The following ASAH2 variants were observed in gnomAD, a reference collection of about 807,000 sequenced individuals.
ASAH2 encodes the protein N-acylsphingosine amidohydrolase 2.
A neutral mutation model predicts 82.9 loss-of-function variants in ASAH2; 58 were observed. That is an observed-to-expected ratio of 0.70 (90% CI 0.57 to 0.87). The LOEUF (loss-of-function observed/expected upper bound fraction) is 0.87, where lower values mean the gene tolerates loss of function less well. ASAH2 is among the 40% of genes least tolerant of loss of function. The probability of loss-of-function intolerance (pLI) is 0.00; values close to 1 mark genes in which losing one functional copy is unlikely to be tolerated. For synonymous variants in ASAH2, 276 were observed against 289.7 expected, an observed-to-expected ratio of 0.95 and a Z score of 0.48; for missense variants, 779 against 834.0, an observed-to-expected ratio of 0.93 and a Z score of 0.81.
At chr10:50,239,695 C>A (rs1337689306) in intron 4 of ASAH2, among the ~76,000 whole-genome samples, 2 of 152,048 alleles carry the variant, frequency 1.3e-5, no homozygotes, top group Non-Finnish European at 2.9e-5. Flanking sequence ...AATAATAATA[C>A]CTCCCTCATA....
chr10:50,199,213 A>G, intron 16 of ASAH2, 67 bp from the exon 17 acceptor site: 2 of 1,552,814 alleles, frequency 1.3e-6, no homozygotes, highest in Admixed American at 1.7e-5. Context: ...GAGGTGTAGC[A>G]TTTTGGGTAA....
intron 12 of ASAH2, among the ~76,000 whole-genome samples, chr10:50,207,539 A>C (rs1845332168): frequency 6.6e-6 from 1 of 151,642 alleles, no homozygotes; most frequent in African/African-American, 2.4e-5. Flanking sequence ...AACTATAAGT[A>C]GTTGTACGCT....
chr10:50,195,099 G>A (rs554294154), intron 18 of ASAH2, among the ~76,000 whole-genome samples: 2,447 of 150,042 alleles, frequency 0.016, 1 homozygote, highest in African/African-American at 0.055. Context: ...AACAAAGTGA[G>A]GAGACAACCT....
In ASAH2 at chr10:50,243,210, T is replaced by A; in HGVS notation, c.502A>T (p.Arg168Trp). 1 of 1,614,020 alleles carries A rather than the reference T, an allele frequency of 6.2e-7. No individual in the cohort carries two copies. Among genetic ancestry groups the A allele is most frequent in the Non-Finnish European group, 8.5e-7 (1 of 1,179,918 alleles). Residue 168 changes from arginine (R) to tryptophan (W), a missense_variant, in exon 4 of 21, where the codon AGG becomes TGG. By Grantham distance (101) the Arg-to-Trp change is moderately radical. This residue lies in a region of ASAH2 where 759 missense variants were observed against 755.2 expected (regional missense o/e 1.00). Transcript: ENST00000682911. ...CCTCTCAAATCACTTACCTCCAGCC[T>A]GAGCCTTTGTGATACCATGCCTATG... ...IDIGMVSQRL[R>W]LEVLNRLQSK...
At chr10:50,194,521 G>C (rs1185339444) in intron 18 of ASAH2, among the ~76,000 whole-genome samples, 1 of 151,108 alleles carries the variant, frequency 6.6e-6, no homozygotes, top group Non-Finnish European at 1.5e-5. Context: ...CATACTAAAT[G>C]GTGAAAAACT....
intron 4 of ASAH2, among the ~76,000 whole-genome samples, chr10:50,239,975 T>A (rs192463049): frequency 0.22 from 32,973 of 151,530 alleles, 4,333 homozygotes; most frequent in Non-Finnish European, 0.3. Flanking sequence ...GACTACAGGC[T>A]CCTTCCAGCA....
intron 8 of ASAH2, among the ~76,000 whole-genome samples, chr10:50,215,824 G>T (rs1410092790): frequency 6.6e-6 from 1 of 152,036 alleles, no homozygotes; most frequent in Non-Finnish European, 1.5e-5. Flanking sequence ...TATACCCAAA[G>T]GATTATAAAT....
rs2133214031 is a variant in ASAH2 at position 50,220,033 on chromosome 10, CA to C, written c.894-1404del. 2.0e-5 allele frequency among the ~76,000 whole-genome samples: 3 copies of C among 152,254 alleles called. 1 individual carries two copies. The South Asian group carries it at 6.2e-4, about 32-fold the overall frequency. The stretch of plus-strand genomic sequence containing the variant: ...CTTCAGGAAGTAAATGGCATGGAAA[CA>C]AAGGACGGGAACTGCTATACATTAA... On this transcript the variant is annotated intron_variant, in intron 7 of 20. Transcript: ENST00000682911.
rs1249565568 is a variant in ASAH2 at position 50,221,626 on chromosome 10, G to T, written c.894-2996C>A. 3.8e-3 allele frequency among the ~76,000 whole-genome samples: 336 copies of T among 88,034 alleles called. 5 individuals are homozygous for T. Among genetic ancestry groups the T allele is most frequent in the Non-Finnish European group, 5.2e-4 (21 of 40,370 alleles). The allele number at this position is 88,034 out of a possible 152,430, so 57.8% of individuals were successfully genotyped here. A position where few individuals can be genotyped will look rare whatever the true frequency, so the allele number is the denominator to read the frequency against. On this transcript the variant is annotated intron_variant, in intron 7 of 20. Coordinates refer to ENST00000682911, the MANE Select transcript of ASAH2 (RefSeq NM_019893.4). ...TCAAGAAGCAGAGCAATGAATTCAGGTTGTATGTGTGTGTGTGTGTGTGTG... is the reference window on the plus strand; with the variant it reads ...TCAAGAAGCAGAGCAATGAATTCAGTTTGTATGTGTGTGTGTGTGTGTGTG...
intron 5 of ASAH2, among the ~76,000 whole-genome samples, 167 bp downstream of exon 5, chr10:50,235,721 G>A (rs1215368310): frequency 6.6e-6 from 1 of 152,028 alleles, no homozygotes; most frequent in Non-Finnish European, 1.5e-5. Context: ...ACAGCCCATA[G>A]CTCAGAACAA....
intron 7 of ASAH2, among the ~76,000 whole-genome samples, chr10:50,230,679 A>G (rs1246002918): frequency 1.3e-5 from 2 of 152,134 alleles, no homozygotes; most frequent in African/African-American, 2.4e-5. Context: ...ATACAATTGC[A>G]TGTATGGAAG....
rs1426471721 is a variant in ASAH2, at chr10:50,185,872, A to T, written c.*1443T>A. 9.6e-4 allele frequency: 139 copies of T among 144,628 alleles called. 4 individuals carry two copies. The highest frequency in any genetic ancestry group is 3.5e-3 in the African/African-American group (132 of 37,662). The allele number at this position is 144,628 out of a possible 1,614,324, so 9.0% of individuals were successfully genotyped here. ...CTCAAAGTTTATTTTTAAAATACAG[A>T]TTGATTTTTTTCCCTAAAATGCTAA... On this transcript the variant is annotated 3_prime_UTR_variant, in exon 21 of 21. Coordinates refer to ENST00000682911, the MANE Select transcript of ASAH2 (RefSeq NM_019893.4).
chr10:50,235,978 A>G lies in ASAH2; in HGVS notation c.597T>C (p.Pro199=). The G allele has an allele frequency of 6.2e-7, 1 of 1,613,378 alleles. No homozygotes were observed. The change falls in exon 5 of 21, where the codon CCT becomes CCC. Residue 199 remains proline, a synonymous_variant. Coordinates refer to ENST00000682911, the MANE Select transcript of ASAH2 (RefSeq NM_019893.4). ...ILSGTHTHSG[P]AGYFQYTVFV... is the part of the protein sequence containing the mutation. Reference sequence around the variant, plus strand: ...ACACGGTATACTGGAAATATCCTGCAGGACCTGAATGAGTGTGAGTGCCAC... The same window carrying G: ...ACACGGTATACTGGAAATATCCTGCGGGACCTGAATGAGTGTGAGTGCCAC...
chr10:50,205,680 C>T (rs1281666991), intron 13 of ASAH2, among the ~76,000 whole-genome samples: 1 of 151,938 alleles, frequency 6.6e-6, no homozygotes, highest in Non-Finnish European at 1.5e-5. Flanking sequence ...TGCTGACTCC[C>T]TTCTTGGAAC....
chr10:50,214,889 T>G (rs1417476721), intron 8 of ASAH2, 21 bp from the exon 9 acceptor site: 1 of 1,612,982 alleles, frequency 6.2e-7, no homozygotes. Flanking sequence ...AAATGCCAAG[T>G]TGCCTTTTAT....
intron 7 of ASAH2, among the ~76,000 whole-genome samples, chr10:50,221,671 A>G (rs1845750437): frequency 6.8e-6 from 1 of 147,662 alleles, no homozygotes; most frequent in Admixed American, 6.9e-5. Flanking sequence ...ATAGATAGAT[A>G]GATGATAGAT....
chr10:50,227,992 G>A (rs1392054677), intron 7 of ASAH2, among the ~76,000 whole-genome samples: 7 of 152,212 alleles, frequency 4.6e-5, no homozygotes, highest in African/African-American at 1.4e-4. Flanking sequence ...ACAACATGGA[G>A]CGGAACAAGA....
intron 4 of ASAH2, among the ~76,000 whole-genome samples, chr10:50,242,803 C>T (rs549975670): frequency 3.3e-5 from 5 of 152,256 alleles, no homozygotes; most frequent in South Asian, 4.2e-4. Context: ...AATTCGCATC[C>T]GATTCCTCAC....
intron 14 of ASAH2, among the ~76,000 whole-genome samples, chr10:50,204,206 T>C (rs983541758): frequency 1.3e-5 from 2 of 151,908 alleles, no homozygotes; most frequent in Admixed American, 1.3e-4. Context: ...TTATTTAATT[T>C]ATACTTTAAA....
Sources: gnomAD v4.1 joint callset for allele counts (sites outside exome capture counted in the v4.1 genomes callset) on GRCh38, gnomAD v4.1.1 for gene constraint, gnomAD v4.1.1 regional missense constraint, MANE v1.5 for transcripts, NCBI Gene and HGNC (gene_info 2026-07-23, HGNC 2026-07-21) for gene names.